Variants in PACS2 observed in about 807,000 individuals in gnomAD.
PACS2 encodes PACS1-like protein.
In PACS2, 36 loss-of-function variants were observed where a neutral mutation model predicts 113.0. That is an observed-to-expected ratio of 0.32 (90% confidence interval 0.24 to 0.42). PACS2 has a LOEUF of 0.42. PACS2 is among the 10% of genes least tolerant of loss of function. The probability of loss-of-function intolerance (pLI) is 1.00; values close to 1 mark genes in which losing one functional copy is unlikely to be tolerated. For synonymous variants in PACS2, 589 were observed against 536.1 expected, an observed-to-expected ratio of 1.10 and a Z score of -1.36; for missense variants, 1,015 against 1,239.5, an observed-to-expected ratio of 0.82 and a Z score of 2.72.
At chr14:105,301,346 A>C (rs1181345333) in intron 1 of PACS2, 1 of 147,506 alleles carries the variant, frequency 6.8e-6, no homozygotes, top group African/African-American at 2.5e-5. Flanking sequence ...CCGTGGAGAG[A>C]CGGCCTGCGA....
chr14:105,326,563 C>A (rs1156543452), intron 1 of PACS2, among the ~76,000 whole-genome samples: 3 of 152,188 alleles, frequency 2.0e-5, no homozygotes, highest in Admixed American at 6.5e-5. Context: ...GAAGGTGCTC[C>A]GTGGTGGGGC....
chr14:105,340,933 G>A lies in PACS2; in HGVS notation c.120-7560G>A, dbSNP rs975087490. Among the ~76,000 whole-genome samples, 10 of 152,236 alleles carry A rather than the reference G, an allele frequency of 6.6e-5. No individual in the cohort carries two copies. Among genetic ancestry groups the A allele is most frequent in the East Asian group, 1.9e-4 (1 of 5,200 alleles). On this transcript the variant is annotated intron_variant, in intron 1 of 24. Transcript: ENST00000447393. The surrounding 1 kb of genome is among the most constrained non-coding windows in gnomAD (Gnocchi z 4.2). ...GCTGCTTGCTCAGCACCCTTGCCCCGTCTCTGGCCACGTAGCCGTCACCCA... is the reference window on the plus strand; with the variant it reads ...GCTGCTTGCTCAGCACCCTTGCCCCATCTCTGGCCACGTAGCCGTCACCCA...
chr14:105,300,791 G>A, exon 1 of PACS2: 1 of 381,678 alleles, frequency 2.6e-6, no homozygotes, highest in Non-Finnish European at 3.8e-6. Context: ...CGCCGCGCGC[G>A]CCCGGGCCGC....
intron 1 of PACS2, among the ~76,000 whole-genome samples, chr14:105,332,419 C>G (rs1182940367): frequency 6.6e-6 from 1 of 152,094 alleles, no homozygotes; most frequent in African/African-American, 2.4e-5. Context: ...AGCAGGTGGC[C>G]CCCTCGGCTG....
chr14:105,391,472 G>A (rs987958611), intron 21 of PACS2, 159 bp from the exon 22 acceptor site: 2 of 713,068 alleles, frequency 2.8e-6, no homozygotes, highest in Non-Finnish European at 4.6e-6. Flanking sequence ...AAACCGAGGA[G>A]AATCCGAGAC....
Position 105,389,986 on chromosome 14 carries a change from T to C in PACS2, c.2059T>C (p.Phe687Leu). ...LSPDEESSQKFIPFVGVVKVG... is the reference protein window; with the variant it reads ...LSPDEESSQKLIPFVGVVKVG... ...CCCTGACGAAGAGTCCTCCCAAAAG[T>C]TCATTCCCTTTGTCGGGGTGAGTAC... The change falls in exon 20 of 25, where the codon TTC becomes CTC. Residue 687 changes from phenylalanine to leucine, a missense_variant. Physicochemically the swap from Phe to Leu is conservative, Grantham distance 22. Around this residue, in one of 3 missense-constraint regions of PACS2, gnomAD observed 859 missense variants for 1,056.8 expected, o/e 0.81. Coordinates refer to ENST00000447393, the MANE Select transcript of PACS2 (RefSeq NM_001100913.3). 1 of 1,614,008 alleles carries C rather than the reference T, an allele frequency of 6.2e-7. No individual in the cohort carries two copies. Among genetic ancestry groups the C allele is most frequent in the Non-Finnish European group, 8.5e-7 (1 of 1,179,922 alleles).
chr14:105,381,993 C>T lies in PACS2; in HGVS notation c.1348C>T (p.Arg450Trp). ...GCAGGCAGCACGGCCCCAGAATGAG[C>T]GGGCCAACAGCCTGGACAACGAGCG... is the stretch of plus-strand genomic sequence containing the variant. ...ERQAARPQNE[R>W]ANSLDNERCP... The change falls in exon 13 of 25, where the codon CGG (arginine) becomes TGG (tryptophan). Residue 450 changes from arginine (R) to tryptophan (W), a missense_variant. By Grantham distance (101) the Arg-to-Trp change is moderately radical (BLOSUM62 -3). Coordinates refer to ENST00000447393, the MANE Select transcript of PACS2 (RefSeq NM_001100913.3). 1.9e-6 allele frequency: 3 copies of T among 1,550,118 alleles called. No individual in the cohort carries two copies. The highest frequency in any genetic ancestry group is 2.6e-6 in the Non-Finnish European group (3 of 1,147,092).
chr14:105,343,303 G>A (rs972166051), intron 1 of PACS2, among the ~76,000 whole-genome samples: 16 of 152,248 alleles, frequency 1.1e-4, no homozygotes, highest in African/African-American at 3.9e-4. Flanking sequence ...GTGGGTGGCA[G>A]TTATGAATAG....
Position 105,314,853 on chromosome 14 carries a change from C to T in PACS2, c.-66C>T, listed in dbSNP as rs929018399. On this transcript the variant is annotated 5_prime_UTR_variant, in exon 1 of 25. Transcript: ENST00000447393. ...GCCGCCGCCCTCCGCGCGCCCGGCC[C>T]GCCCGCCGCGCGTCCGCGGCCCGGC... The T allele has an allele frequency of 3.5e-5, 26 of 736,874 alleles. No individual in the cohort carries two copies. In the African/African-American group the frequency reaches 4.3e-4, roughly 12 times the overall value. 45.6% of individuals were successfully genotyped at this position (736,874 alleles called of 1,614,324 possible).
At chr14:105,360,779 C>G (rs1172514526) in intron 4 of PACS2, among the ~76,000 whole-genome samples, 2 of 152,144 alleles carry the variant, frequency 1.3e-5, no homozygotes, top group Non-Finnish European at 2.9e-5. Context: ...CTGTTTGGTA[C>G]CATGTTACCC....
rs2060487866 is a variant in PACS2, at chr14:105,357,231, C to G, written c.423+2054C>G. Among the ~76,000 whole-genome samples, 1 of 152,144 alleles carries G rather than the reference C, an allele frequency of 6.6e-6. No individual in the cohort carries two copies. On this transcript the variant is annotated intron_variant, in intron 4 of 24. Transcript: ENST00000447393. The surrounding 1 kb of genome is among the most constrained non-coding windows in gnomAD (Gnocchi z 5.1). ...TGTCCTCCCAGCCTTGGGCTGTCCC[C>G]TCCTGATCCCCGGGGAGAGGCTGGA...
At chr14:105,311,044 C>A (rs1486050883), upstream of PACS2, among the ~76,000 whole-genome samples, 2 of 152,144 alleles carry the variant, frequency 1.3e-5, no homozygotes. Context: ...CCTCTGCCTG[C>A]TGGGTTCAAG....
intron 24 of PACS2, among the ~76,000 whole-genome samples, chr14:105,393,763 G>C (rs2081445835): frequency 6.6e-6 from 1 of 151,746 alleles, no homozygotes; most frequent in African/African-American, 2.4e-5. Context: ...CTAATTTTTT[G>C]TATTTTTAGT....
At chr14:105,318,128 A>C (rs2058743227) in intron 1 of PACS2, among the ~76,000 whole-genome samples, 1 of 152,038 alleles carries the variant, frequency 6.6e-6, no homozygotes. Context: ...GATGTTTATT[A>C]ATTTGTTTTT....
chr14:105,333,930 G>A (rs2059401605), intron 1 of PACS2, among the ~76,000 whole-genome samples: 2 of 152,182 alleles, frequency 1.3e-5, no homozygotes, highest in South Asian at 4.1e-4. Context: ...GCCTCACCCG[G>A]GCTAAAATAG....
At chr14:105,353,056 C>G (rs587762930) in intron 3 of PACS2, among the ~76,000 whole-genome samples, 1 of 108,834 alleles carries the variant, frequency 9.2e-6, no homozygotes, top group South Asian at 3.5e-4. Context: ...CCTGGGGAGA[C>G]GGGCACCCCC....
At position 105,356,950 on chromosome 14, in the gene PACS2, G is replaced by A. The variant is rs2060476136; in HGVS notation, c.423+1773G>A. Among the ~76,000 whole-genome samples, 1 of 149,408 alleles carries A rather than the reference G, an allele frequency of 6.7e-6. No homozygotes were observed. Among genetic ancestry groups the A allele is most frequent in the South Asian group, 2.1e-4 (1 of 4,748 alleles). On this transcript the variant is annotated intron_variant, in intron 4 of 24. Transcript: ENST00000447393. This position sits in a 1 kb window ranked among gnomAD's most constrained non-coding sequence, Gnocchi z 4.0. ...AGGCGATGTCCTGCTGATCCCTGCC[G>A]GTCCCTGTGTTTCCCATTAGCCATG... is the stretch of plus-strand genomic sequence containing the variant.
chr14:105,394,052 A>G (rs1286017274), intron 24 of PACS2, among the ~76,000 whole-genome samples: 1 of 150,342 alleles, frequency 6.7e-6, no homozygotes, highest in African/African-American at 2.5e-5. Context: ...AAAAAAAAAA[A>G]AAAAGGGGTT....
At chr14:105,386,531 G>A (rs966263558) in intron 19 of PACS2, among the ~76,000 whole-genome samples, 15 of 152,206 alleles carry the variant, frequency 9.9e-5, no homozygotes, top group African/African-American at 3.6e-4. Context: ...TTCAGACAGA[G>A]CCACCCCTTT....
Sources: gnomAD v4.1 joint callset for allele counts (sites outside exome capture counted in the v4.1 genomes callset) on GRCh38, gnomAD v4.1.1 for gene constraint, gnomAD v4.1.1 regional missense constraint, Gnocchi (gnomAD v3.1) non-coding constraint, MANE v1.5 for transcripts, NCBI Gene and HGNC (gene_info 2026-07-23, HGNC 2026-07-21) for gene names.